Variants in SCYL1 observed in about 807,000 individuals in gnomAD.
SCYL1 encodes SCY1 like pseudokinase 1.
In SCYL1, 85 loss-of-function variants were observed where a neutral mutation model predicts 94.8. The ratio of observed to expected loss-of-function variants is 0.90; its 90% CI spans 0.75 to 1.07. SCYL1 has a LOEUF of 1.07. SCYL1 is among the 50% of genes least tolerant of loss of function. The pLI, the probability that SCYL1 is intolerant of heterozygous loss-of-function variation, is 0.00. For synonymous variants in SCYL1, 459 were observed against 435.5 expected, an observed-to-expected ratio of 1.05 and a Z score of -0.67; for missense variants, 968 against 1,083.3, an observed-to-expected ratio of 0.89 and a Z score of 1.49.
At chr11:65,536,866 A>G (rs1468996010) in intron 13 of SCYL1, 116 bp downstream of exon 13, 2 of 1,328,054 alleles carry the variant, frequency 1.5e-6, no homozygotes, top group Non-Finnish European at 2.1e-6. Flanking sequence ...GGAGCTGGGT[A>G]GGCTCCAGTC....
In SCYL1 at chr11:65,538,325, G is replaced by A. The variant is rs980837713; in HGVS notation, c.2302+1G>A. On this transcript the variant is annotated splice_donor_variant, in intron 17 of 17. Coordinates refer to ENST00000270176, the MANE Select transcript of SCYL1 (RefSeq NM_020680.4). LOFTEE classifies it high-confidence loss of function. ...TGGGAGGGCCTCGAGACTGACAGTC[G>A]TAAGTGCTTCCCCTGGGTGGGCTGA... 10 of 1,547,978 alleles carry A rather than the reference G, an allele frequency of 6.5e-6. No homozygotes were observed. The highest frequency in any genetic ancestry group is 8.7e-6 in the Non-Finnish European group (10 of 1,144,974).
Position 65,531,628 on chromosome 11 carries a change from T to C in SCYL1, c.1061T>C (p.Val354Ala). 1 of 1,614,138 alleles carries C rather than the reference T, an allele frequency of 6.2e-7. No homozygotes were observed. Among genetic ancestry groups the C allele is most frequent in the Non-Finnish European group, 8.5e-7 (1 of 1,180,004 alleles). The change falls in exon 8 of 18, where the codon GTG (valine) becomes GCG (alanine). Residue 354 changes from valine to alanine, a missense_variant. Transcript: ENST00000270176. ...EEYQQKIIPV[V>A]VKMFSSTDRA... ...TATCAGCAGAAGATCATCCCTGTGG[T>C]GGTCAAGATGTTCTCATCCACTGAC...
At chr11:65,535,784 A>G in intron 10 of SCYL1, 169 bp from the exon 11 acceptor site, 1 of 679,304 alleles carries the variant, frequency 1.5e-6, no homozygotes, top group Non-Finnish European at 2.4e-6. Flanking sequence ...TTGGGAAGAG[A>G]AGCCCAGGTC....
In SCYL1 at chr11:65,526,078, T is replaced by TG. The variant is rs753953522; in HGVS notation, c.376-40dup. ...GGGGCAGTGGTGATGAGAGCAGGGA[T>TG]GGGGGGTTGCAGGTGCTGGGGCGTG... On this transcript the variant is annotated intron_variant, in intron 3 of 17. Transcript: ENST00000270176. The surrounding 1 kb of genome is among the most constrained non-coding windows in gnomAD (Gnocchi z 4.1). 2.0e-5 allele frequency: 32 copies of TG among 1,600,538 alleles called. No homozygotes were observed. The highest frequency in any genetic ancestry group is 1.7e-4 in the Middle Eastern group (1 of 6,058).
At chr11:65,531,987 A>G (rs59619727) in intron 8 of SCYL1, among the ~76,000 whole-genome samples, 7,495 of 152,194 alleles carry the variant, frequency 0.049, 647 homozygotes, top group African/African-American at 0.17. Flanking sequence ...GGCAGCTGGG[A>G]GCATCAGACA....
intron 9 of SCYL1, 110 bp downstream of exon 9, chr11:65,532,915 T>C (rs1362984135): frequency 6.3e-6 from 5 of 787,960 alleles, no homozygotes; most frequent in Non-Finnish European, 1.1e-5. Context: ...GCAGACACTG[T>C]CCTTGCTGTG....
chr11:65,526,155 G>A lies in SCYL1; in HGVS notation c.407G>A (p.Ser136Asn), dbSNP rs1855065697. Reference protein sequence around the residue: ...KALSFLVNDCSLIHNNVCMAA... With the variant: ...KALSFLVNDCNLIHNNVCMAA... ...CTCAGCTTCCTGGTCAACGACTGCA[G>A]CCTCATCCACAACAATGTCTGCATG... Residue 136 changes from serine (S) to asparagine (N), a missense_variant, in exon 4 of 18, where the codon AGC becomes AAC. This residue lies in a region of SCYL1 where 494 missense variants were observed against 619.7 expected (regional missense o/e 0.80). Coordinates refer to ENST00000270176, the MANE Select transcript of SCYL1 (RefSeq NM_020680.4). The surrounding 1 kb of genome is among the most constrained non-coding windows in gnomAD (Gnocchi z 4.1). 3.1e-6 allele frequency: 5 copies of A among 1,613,268 alleles called. No homozygotes were observed. The East Asian group carries it at 1.1e-4, about 36-fold the overall frequency.
In SCYL1 at chr11:65,530,728, C is replaced by G. The variant is rs1855320160; in HGVS notation, c.949C>G (p.Leu317Val). Reference protein sequence around the residue: ...DFCRHKVLPQLLTAFEFGNAG... With the variant: ...DFCRHKVLPQVLTAFEFGNAG... ...CTGTCGGCACAAGGTGCTGCCCCAG[C>G]TGCTGACCGCCTTCGAGTTCGGCAA... is the stretch of plus-strand genomic sequence containing the variant. The change falls in exon 7 of 18, where the codon CTG becomes GTG. Residue 317 changes from leucine (L) to valine (V), a missense_variant. Transcript: ENST00000270176. 6.2e-7 allele frequency: 1 copy of G among 1,613,980 alleles called. No individual in the cohort carries two copies. Among genetic ancestry groups the G allele is most frequent in the Non-Finnish European group, 8.5e-7 (1 of 1,180,032 alleles).
intron 10 of SCYL1, 153 bp from the exon 11 acceptor site, chr11:65,535,799 GT>G: frequency 1.3e-6 from 1 of 766,498 alleles, no homozygotes; most frequent in Admixed American, 3.1e-5. Context: ...CAGGTCCAGA[GT>G]TTTAGGTCAA....
intron 6 of SCYL1, among the ~76,000 whole-genome samples, chr11:65,529,383 G>A (rs577068960): frequency 1.3e-5 from 2 of 152,304 alleles, no homozygotes; most frequent in East Asian, 1.9e-4. Context: ...ATAGGGTTTC[G>A]GGAGCCTCCA....
intron 13 of SCYL1, 34 bp downstream of exon 13, chr11:65,536,784 A>G (rs1855670106): frequency 2.6e-6 from 4 of 1,566,698 alleles, no homozygotes; most frequent in Non-Finnish European, 3.5e-6. Flanking sequence ...TCAGTGGCTG[A>G]GAGGGCTGAG....
intron 1 of SCYL1, 85 bp from the exon 2 acceptor site, chr11:65,525,489 C>T: frequency 6.5e-7 from 1 of 1,527,838 alleles, no homozygotes; most frequent in Non-Finnish European, 8.8e-7. Context: ...TAAGGCTGAC[C>T]TGGGGAGAGA....
intron 8 of SCYL1, 134 bp from the exon 9 acceptor site, chr11:65,532,558 G>A (rs745563202): frequency 5.7e-6 from 4 of 704,194 alleles, no homozygotes; most frequent in African/African-American, 1.7e-5. Context: ...CAAACACCTG[G>A]GTGGTGGCTC....
At chr11:65,530,811 A>T (rs761118473) in intron 7 of SCYL1, 24 bp downstream of exon 7, 1 of 1,591,928 alleles carries the variant, frequency 6.3e-7, no homozygotes. Context: ...TGGGGTCCAG[A>T]AGGCTGGCTG....
chr11:65,538,409 A>G (rs757698806), intron 17 of SCYL1, 33 bp from the exon 18 acceptor site: 2 of 1,541,156 alleles, frequency 1.3e-6, no homozygotes, highest in African/African-American at 1.4e-5. Flanking sequence ...CTGGCTGGAG[A>G]GCTGAGACCG....
rs371507840 is a variant in SCYL1 at position 65,525,129 on chromosome 11, C to G, written c.-25C>G. On this transcript the variant is annotated 5_prime_UTR_variant, in exon 1 of 18. Transcript: ENST00000270176. ...CCGGAGGACCCGGAGCTAAGGCGCC[C>G]GAACCCGCGGCGGCGGTGGGGACGA... 264 of 1,307,378 alleles carry G rather than the reference C, an allele frequency of 2.0e-4. 1 individual carries two copies. The African/African-American group carries it at 3.6e-3, about 18-fold the overall frequency. The allele number at this position is 1,307,378 out of a possible 1,614,324, so 81.0% of individuals were successfully genotyped here. A position where few individuals can be genotyped will look rare whatever the true frequency, so the allele number is the denominator to read the frequency against.
chr11:65,534,561 G>T (rs1855549970), intron 9 of SCYL1, among the ~76,000 whole-genome samples: 1 of 152,212 alleles, frequency 6.6e-6, no homozygotes, highest in Non-Finnish European at 1.5e-5. Context: ...GAGATGTCGA[G>T]TTGGCCACTG....
intron 6 of SCYL1, among the ~76,000 whole-genome samples, chr11:65,527,897 G>C (rs529908073): frequency 6.6e-6 from 1 of 152,308 alleles, no homozygotes; most frequent in African/African-American, 2.4e-5. Context: ...AATTGAAAAT[G>C]TGTGGTATAG....
At chr11:65,537,776 G>T in intron 14 of SCYL1, 33 bp from the exon 15 acceptor site, 1 of 1,520,594 alleles carries the variant, frequency 6.6e-7, no homozygotes, top group Non-Finnish European at 8.8e-7. Flanking sequence ...TTTAGCATGG[G>T]GTGGGAGTCA....
Sources: allele counts gnomAD v4.1 joint callset (sites outside exome capture counted in the v4.1 genomes callset), GRCh38; gene constraint gnomAD v4.1.1; regional missense constraint gnomAD v4.1.1; non-coding constraint Gnocchi (gnomAD v3.1); transcripts MANE v1.5; gene names NCBI Gene and HGNC (gene_info 2026-07-23, HGNC 2026-07-21).